Variants in PCDH9 observed in about 807,000 individuals in gnomAD.
PCDH9 encodes the protein protocadherin-9.
A neutral mutation model predicts 70.6 loss-of-function variants in PCDH9; 24 were observed. That is an observed-to-expected ratio of 0.34 (90% CI 0.25 to 0.48). The LOEUF (loss-of-function observed/expected upper bound fraction) is 0.48. Among genes scored for constraint, PCDH9 ranks in the 20% least tolerant of loss-of-function variants. The pLI, the probability that PCDH9 is intolerant of heterozygous loss-of-function variation, is 0.99. For missense variants in PCDH9, 1,281 were observed against 1,503.6 expected (o/e 0.85, Z 2.45); for synonymous variants, 562 against 558.5 (o/e 1.01, Z -0.09).
At chr13:66,808,855 T>C (rs7139567) in intron 3 of PCDH9, among the ~76,000 whole-genome samples, 49,255 of 152,108 alleles carry the variant, frequency 0.32, 8,699 homozygotes, top group East Asian at 0.45. Flanking sequence ...AAAAGCAGAT[T>C]TGCATCTTAA....
chr13:66,637,091 T>C (rs1488767795), intron 3 of PCDH9, among the ~76,000 whole-genome samples: 1 of 152,170 alleles, frequency 6.6e-6, no homozygotes, highest in Non-Finnish European at 1.5e-5. Context: ...TAAATAGCTG[T>C]CATAAAGATA....
chr13:66,690,195 A>G (rs2078462486), intron 3 of PCDH9, among the ~76,000 whole-genome samples: 1 of 152,178 alleles, frequency 6.6e-6, no homozygotes, highest in Non-Finnish European at 1.5e-5. Flanking sequence ...TTTAAACAAT[A>G]CTTTTTTGAT....
At chr13:66,664,591 G>T (rs2078066903) in intron 3 of PCDH9, among the ~76,000 whole-genome samples, 2 of 152,138 alleles carry the variant, frequency 1.3e-5, no homozygotes, top group East Asian at 3.9e-4. Flanking sequence ...AAACTTATAT[G>T]AATTCAGGAG....
At chr13:66,506,840 G>C (rs1484918786) in intron 4 of PCDH9, among the ~76,000 whole-genome samples, 1 of 152,338 alleles carries the variant, frequency 6.6e-6, no homozygotes, top group Non-Finnish European at 1.5e-5. Flanking sequence ...ATAGCCAAGA[G>C]GAAGAAATAC....
At chr13:66,738,125 C>G (rs906503332) in intron 3 of PCDH9, among the ~76,000 whole-genome samples, 1 of 152,192 alleles carries the variant, frequency 6.6e-6, no homozygotes, top group African/African-American at 2.4e-5. Context: ...GTGGTTCTCC[C>G]AGCACGCAGC....
chr13:66,692,828 C>T (rs746452056), intron 3 of PCDH9, among the ~76,000 whole-genome samples: 2 of 151,946 alleles, frequency 1.3e-5, no homozygotes, highest in Non-Finnish European at 2.9e-5. Context: ...GAATTATATA[C>T]GAATCTATCA....
chr13:66,735,609 A>C (rs1265503133), intron 3 of PCDH9, among the ~76,000 whole-genome samples: 2 of 152,184 alleles, frequency 1.3e-5, no homozygotes, highest in Non-Finnish European at 2.9e-5. Context: ...ATTTCATGAA[A>C]CAGAATCAGA....
chr13:66,679,432 C>A (rs931903530), intron 3 of PCDH9, among the ~76,000 whole-genome samples: 3 of 151,772 alleles, frequency 2.0e-5, no homozygotes, highest in African/African-American at 7.3e-5. Context: ...CCCATGGGCA[C>A]AAAAACATAC....
chr13:66,725,939 G>C (rs193063775), intron 3 of PCDH9, among the ~76,000 whole-genome samples: 1 of 152,160 alleles, frequency 6.6e-6, no homozygotes, highest in Non-Finnish European at 1.5e-5. Context: ...TTAGGTTGGT[G>C]TTGGTTTAAA....
intron 4 of PCDH9, among the ~76,000 whole-genome samples, chr13:66,386,462 G>GT (rs997874107): frequency 6.6e-6 from 1 of 152,068 alleles, no homozygotes; most frequent in African/African-American, 2.4e-5. Context: ...GTGGATGAAT[G>GT]TTTTTTATTG....
chr13:67,218,711 G>A (rs1175579598), intron 2 of PCDH9: 2 of 152,028 alleles, frequency 1.3e-5, no homozygotes, highest in Non-Finnish European at 2.9e-5. Flanking sequence ...ACTAAGTGGT[G>A]AAGCTGTACG....
chr13:66,472,751 C>G (rs1184468685), intron 4 of PCDH9, among the ~76,000 whole-genome samples: 3 of 152,058 alleles, frequency 2.0e-5, no homozygotes, highest in Non-Finnish European at 4.4e-5. Context: ...ATGGTTTAAG[C>G]ATCCAAGCCT....
chr13:66,680,819 T>C (rs2078309115), intron 3 of PCDH9, among the ~76,000 whole-genome samples: 1 of 152,056 alleles, frequency 6.6e-6, no homozygotes, highest in Admixed American at 6.6e-5. Context: ...ATAAATGTTA[T>C]GTTTTATAAA....
At chr13:67,017,038 C>A (rs1754635473) in intron 2 of PCDH9, among the ~76,000 whole-genome samples, 1 of 152,100 alleles carries the variant, frequency 6.6e-6, no homozygotes, top group Admixed American at 6.6e-5. Flanking sequence ...TAGTTCTGAA[C>A]TTAGCAATGT....
intron 3 of PCDH9, among the ~76,000 whole-genome samples, chr13:66,828,695 A>G (rs2080867327): frequency 1.3e-5 from 2 of 152,114 alleles, no homozygotes; most frequent in Admixed American, 1.3e-4. Context: ...AGAGACAGAG[A>G]GAGGGAGAAA....
rs1388159116 is a variant in PCDH9 at position 66,372,381 on chromosome 13, G to T, written c.3341-67353C>A. Among the ~76,000 whole-genome samples the T allele has an allele frequency of 3.3e-5, 5 of 151,764 alleles. No individual in the cohort carries two copies. In the East Asian group the frequency reaches 9.7e-4, roughly 29 times the overall value. ...ACATAAAGGATTTAACTGAGAGAGA[G>T]CGAGAGTAAGTATGTTTTATAAATT... On this transcript the variant is annotated intron_variant, in intron 4 of 4. Coordinates refer to ENST00000377865, the MANE Select transcript of PCDH9 (RefSeq NM_203487.3).
chr13:67,067,117 T>C (rs2085663667), intron 2 of PCDH9, among the ~76,000 whole-genome samples: 1 of 152,152 alleles, frequency 6.6e-6, no homozygotes, highest in Non-Finnish European at 1.5e-5. Context: ...GAATTTTAGC[T>C]GAAATTTTTC....
In PCDH9 at chr13:66,874,034, G is replaced by A. The variant is rs912393671; in HGVS notation, c.3138+29470C>T. Among the ~76,000 whole-genome samples the A allele has an allele frequency of 4.1e-5, 6 of 146,084 alleles. No individual in the cohort carries two copies. The East Asian group carries it at 6.4e-4, about 16-fold the overall frequency. Reference sequence around the variant, plus strand: ...TGGCTCACTGAAGTCTGTGTCTCCCGAACTCAAGTGATCCTCCCACTTCCA... The same window carrying A: ...TGGCTCACTGAAGTCTGTGTCTCCCAAACTCAAGTGATCCTCCCACTTCCA... On this transcript the variant is annotated intron_variant, in intron 3 of 4. Transcript: ENST00000377865.
intron 2 of PCDH9, among the ~76,000 whole-genome samples, chr13:67,184,759 T>A (rs556564563): frequency 4.3e-4 from 66 of 151,976 alleles, no homozygotes; most frequent in Non-Finnish European, 7.8e-4. Flanking sequence ...AATAAAACCC[T>A]AAGGGCAGGG....
Sources: gnomAD v4.1 joint callset for allele counts (sites outside exome capture counted in the v4.1 genomes callset) on GRCh38, gnomAD v4.1.1 for gene constraint, MANE v1.5 for transcripts, NCBI Gene and HGNC (gene_info 2026-07-23, HGNC 2026-07-21) for gene names.